KYNU: variants seen among roughly 807,000 people sequenced by gnomAD.
The protein encoded by KYNU is L-kynurenine hydrolase.
In KYNU, 54 loss-of-function variants were observed where a neutral mutation model predicts 59.2. The observed-to-expected ratio is 0.91, with a 90% CI of 0.73 to 1.14. The LOEUF is 1.14. Ranked by LOEUF, KYNU falls within the 50% of genes most tolerant of loss-of-function variation. The probability of loss-of-function intolerance (pLI) is 0.00; values close to 1 mark genes in which losing one functional copy is unlikely to be tolerated. For missense variants in KYNU, 567 were observed against 554.4 expected (o/e 1.02, Z -0.23); for synonymous variants, 177 against 192.0 (o/e 0.92, Z 0.65).
intron 10 of KYNU, among the ~76,000 whole-genome samples, chr2:143,017,898 C>A (rs1029442329): frequency 7.2e-5 from 11 of 151,960 alleles, no homozygotes; most frequent in African/African-American, 2.7e-4. Flanking sequence ...GTATTTTGCC[C>A]ATATTTTAGT....
intron 2 of KYNU, among the ~76,000 whole-genome samples, chr2:142,885,900 G>T (rs1681492431): frequency 6.6e-6 from 1 of 152,094 alleles, no homozygotes; most frequent in Non-Finnish European, 1.5e-5. Flanking sequence ...TTATATTCTG[G>T]CACTTAGTTT....
At chr2:142,923,419 A>C (rs536140966) in intron 3 of KYNU, among the ~76,000 whole-genome samples, 9 of 152,330 alleles carry the variant, frequency 5.9e-5, no homozygotes, top group South Asian at 2.1e-4. Context: ...TTGGGTGATT[A>C]TATTTATTTG....
chr2:142,896,131 G>A (rs533025403), intron 2 of KYNU, among the ~76,000 whole-genome samples: 5 of 152,316 alleles, frequency 3.3e-5, no homozygotes, highest in African/African-American at 4.8e-5. Context: ...AGTTTGTCAA[G>A]TCGTTTTAGA....
chr2:143,029,055 G>T (rs1166491608), intron 10 of KYNU, among the ~76,000 whole-genome samples: 1 of 151,580 alleles, frequency 6.6e-6, no homozygotes, highest in Non-Finnish European at 1.5e-5. Context: ...TAATATTTTT[G>T]TTCATTTTAT....
chr2:142,892,953 C>T (rs774490132), intron 2 of KYNU, among the ~76,000 whole-genome samples: 2 of 152,130 alleles, frequency 1.3e-5, no homozygotes, highest in Non-Finnish European at 2.9e-5. Context: ...TTCAGTTTGC[C>T]TCATGAGTTT....
intron 2 of KYNU, among the ~76,000 whole-genome samples, chr2:142,914,576 C>T (rs1682610791): frequency 6.6e-6 from 1 of 152,186 alleles, no homozygotes; most frequent in African/African-American, 2.4e-5. Context: ...TCCAGCAAGT[C>T]TATAGGCATC....
At position 143,044,011 on chromosome 2, in the gene KYNU, G is replaced by C. The variant is rs772971272; in HGVS notation, c.*1839G>C. 6 of 151,720 alleles carry C rather than the reference G, an allele frequency of 4.0e-5. No individual in the cohort carries two copies. The highest frequency in any genetic ancestry group is 8.8e-5 in the Non-Finnish European group (6 of 67,960). 9.4% of individuals were successfully genotyped at this position (151,720 alleles called of 1,614,324 possible). A position where few individuals can be genotyped will look rare whatever the true frequency, so the allele number is the denominator to read the frequency against. On this transcript the variant is annotated 3_prime_UTR_variant, in exon 14 of 14. Transcript: ENST00000264170. ...ATCCCCAACTACCCAAAAGGACCTGGTGTGTGATGTTCCCCTCCCTGTGTT... is the reference window on the plus strand; with the variant it reads ...ATCCCCAACTACCCAAAAGGACCTGCTGTGTGATGTTCCCCTCCCTGTGTT...
rs1684166165 is a variant in KYNU, at chr2:142,956,380, T to TA, written c.507+107dup. On this transcript the variant is annotated intron_variant, in intron 6 of 13. Coordinates refer to ENST00000264170, the MANE Select transcript of KYNU (RefSeq NM_003937.3). ...CTCACTAGGCTTTTCCAAGCAATCT[T>TA]ACAATAAAAAGATCTGTCAAATGCT... 1.2e-5 allele frequency: 8 copies of TA among 695,126 alleles called. No individual in the cohort carries two copies. The Admixed American group carries it at 1.8e-4, about 16-fold the overall frequency. The allele number at this position is 695,126 out of a possible 1,614,324, so 43.1% of individuals were successfully genotyped here.
At chr2:142,919,971 C>T (rs1682819128) in intron 3 of KYNU, among the ~76,000 whole-genome samples, 1 of 152,018 alleles carries the variant, frequency 6.6e-6, no homozygotes, top group Admixed American at 6.6e-5. Context: ...ATTCAGGAGG[C>T]TAAGGCAAGA....
At chr2:143,039,501 A>AATTTAAATAATTAATTTAAAT (rs1686974910) in intron 12 of KYNU, among the ~76,000 whole-genome samples, 1 of 152,108 alleles carries the variant, frequency 6.6e-6, no homozygotes, top group African/African-American at 2.4e-5. Context: ...TGATTATACT[A>AATTTAAATAATTAATTTAAAT]ACTTAATTTA....
chr2:142,934,838 C>G (rs533047772), intron 4 of KYNU, among the ~76,000 whole-genome samples: 93 of 152,278 alleles, frequency 6.1e-4, no homozygotes, highest in African/African-American at 2.2e-3. Flanking sequence ...CGCTGACAGT[C>G]CAACCTCCGG....
intron 4 of KYNU, chr2:142,954,181 A>G (rs1284379120): frequency 6.6e-6 from 1 of 152,176 alleles, no homozygotes; most frequent in Non-Finnish European, 1.5e-5. Context: ...ATCAGATTAT[A>G]TTAATAATTA....
chr2:143,037,379 C>T (rs931559998), intron 12 of KYNU, among the ~76,000 whole-genome samples: 2 of 152,092 alleles, frequency 1.3e-5, no homozygotes, highest in Admixed American at 6.6e-5. Context: ...TTATGTGTAG[C>T]GATAGGTAGA....
At chr2:142,943,973 G>T (rs1276529272) in intron 4 of KYNU, among the ~76,000 whole-genome samples, 1 of 152,160 alleles carries the variant, frequency 6.6e-6, no homozygotes, top group South Asian at 2.1e-4. Context: ...ATGGTAAACA[G>T]CTTGGGGCCT....
At chr2:142,935,592 C>T (rs1683363423) in intron 4 of KYNU, among the ~76,000 whole-genome samples, 1 of 152,054 alleles carries the variant, frequency 6.6e-6, no homozygotes, top group Non-Finnish European at 1.5e-5. Flanking sequence ...ACTGAAACTC[C>T]CTAATATAAG....
At chr2:143,037,101 T>C (rs1686912319) in intron 12 of KYNU, among the ~76,000 whole-genome samples, 1 of 151,648 alleles carries the variant, frequency 6.6e-6, no homozygotes, top group Admixed American at 6.6e-5. Flanking sequence ...TGTCCTTTTG[T>C]TTATATTTTT....
chr2:143,022,388 T>G (rs930223830), intron 10 of KYNU, among the ~76,000 whole-genome samples: 11 of 152,112 alleles, frequency 7.2e-5, no homozygotes, highest in Non-Finnish European at 1.5e-5. Context: ...CTGTTCATAA[T>G]GTGTTGTTTA....
chr2:143,041,322 G>T (rs1378701049), intron 13 of KYNU, among the ~76,000 whole-genome samples: 1 of 152,028 alleles, frequency 6.6e-6, no homozygotes, highest in East Asian at 1.9e-4. Context: ...GTTACTCCCA[G>T]ATGCTGGAGA....
chr2:142,997,444 T>C lies in KYNU; in HGVS notation c.902+11423T>C, dbSNP rs543547302. On this transcript the variant is annotated intron_variant, in intron 10 of 13. Coordinates refer to ENST00000264170, the MANE Select transcript of KYNU (RefSeq NM_003937.3). ...CATGTTCCATGTTTTTGCAATGCTA[T>C]GACAATTTGTCTGATCAGCACATTT... Among the ~76,000 whole-genome samples, 6 of 152,320 alleles carry C rather than the reference T, an allele frequency of 3.9e-5. No homozygotes were observed. In the East Asian group the frequency reaches 9.7e-4, roughly 25 times the overall value.
Sources: gnomAD v4.1 joint callset for allele counts (sites outside exome capture counted in the v4.1 genomes callset) on GRCh38, gnomAD v4.1.1 for gene constraint, MANE v1.5 for transcripts, NCBI Gene and HGNC (gene_info 2026-07-23, HGNC 2026-07-21) for gene names.